MRPS31: variants seen among roughly 807,000 people sequenced by gnomAD.
The protein encoded by MRPS31 is mitochondrial ribosomal protein S31, also known as small ribosomal subunit protein mS31.
A neutral mutation model predicts 43.1 loss-of-function variants in MRPS31; 32 were observed. The ratio of observed to expected loss-of-function variants is 0.74; its 90% CI spans 0.56 to 1.00. The LOEUF (loss-of-function observed/expected upper bound fraction) is 1.00, where lower values mean the gene tolerates loss of function less well. Among genes scored for constraint, MRPS31 ranks in the 50% least tolerant of loss-of-function variants. The pLI, the probability that MRPS31 is intolerant of heterozygous loss-of-function variation, is 0.00. For missense variants in MRPS31, 437 were observed against 466.7 expected, an observed-to-expected ratio of 0.94 and a Z score of 0.59; for synonymous variants, 165 against 161.6, an observed-to-expected ratio of 1.02 and a Z score of -0.16.
intron 6 of MRPS31, among the ~76,000 whole-genome samples, chr13:40,732,928 A>T (rs1029776101): frequency 6.6e-6 from 1 of 151,862 alleles, no homozygotes; most frequent in Admixed American, 6.6e-5. Flanking sequence ...TCACGCCTGT[A>T]ATCTCAACAC....
At chr13:40,738,200 A>C (rs975280083) in intron 6 of MRPS31, among the ~76,000 whole-genome samples, 29 of 151,372 alleles carry the variant, frequency 1.9e-4, no homozygotes, top group Non-Finnish European at 2.5e-4. Flanking sequence ...GAAATGGATA[A>C]ATTCCTTGAC....
At chr13:40,770,917 G>A (rs1880988276) in intron 1 of MRPS31, 68 bp downstream of exon 1, 11 of 1,585,996 alleles carry the variant, frequency 6.9e-6, no homozygotes, top group Non-Finnish European at 9.5e-6. Context: ...GACCCAGCAG[G>A]TGGTAACATC....
In MRPS31 at chr13:40,771,014, G is replaced by C; in HGVS notation, c.123C>G (p.Val41=). 1 of 1,614,172 alleles carries C rather than the reference G, an allele frequency of 6.2e-7. No homozygotes were observed. The highest frequency in any genetic ancestry group is 8.5e-7 in the Non-Finnish European group (1 of 1,180,042). The part of the protein sequence containing the change: ...IMLLTVRHGT[V]RYRSSALLAR... Reference sequence around the variant, plus strand: ...CCAACAGCGCTGAACTGCGGTACCTGACTGTTCCGTGCCGAACAGTGAGTA... The same window carrying C: ...CCAACAGCGCTGAACTGCGGTACCTCACTGTTCCGTGCCGAACAGTGAGTA... The change falls in exon 1 of 7, where the codon GTC becomes GTG. Residue 41 remains valine, a synonymous_variant. Coordinates refer to ENST00000323563, the MANE Select transcript of MRPS31 (RefSeq NM_005830.4).
At chr13:40,767,068 A>G (rs1329161985) in intron 1 of MRPS31, 35 bp from the exon 2 acceptor site, 1 of 1,533,134 alleles carries the variant, frequency 6.5e-7, no homozygotes, top group African/African-American at 1.4e-5. Flanking sequence ...AATGAAAAAT[A>G]CAATGCAGTC....
intron 6 of MRPS31, among the ~76,000 whole-genome samples, chr13:40,747,908 GA>G (rs1245893975): frequency 3.9e-5 from 6 of 152,068 alleles, no homozygotes; most frequent in Non-Finnish European, 1.5e-5. Context: ...CTAAGTCTCT[GA>G]AGTTTTCCTA....
chr13:40,729,365 C>T lies in MRPS31; in HGVS notation c.*7G>A. ...TCTAATTGTTTGAAATAAAAATTTC[C>T]ATGGTCTTAATTGAACTGTATGTTA... is the stretch of plus-strand genomic sequence containing the variant. On this transcript the variant is annotated 3_prime_UTR_variant, in exon 7 of 7. Transcript: ENST00000323563. 1.5e-6 allele frequency: 2 copies of T among 1,355,834 alleles called. No homozygotes were observed. The highest frequency in any genetic ancestry group is 1.0e-6 in the Non-Finnish European group (1 of 983,576). 84.0% of individuals were successfully genotyped at this position (1,355,834 alleles called of 1,614,324 possible).
intron 6 of MRPS31, among the ~76,000 whole-genome samples, chr13:40,747,031 C>G (rs1880256838): frequency 6.6e-6 from 1 of 152,172 alleles, no homozygotes; most frequent in African/African-American, 2.4e-5. Context: ...CACCGACTCT[C>G]CTGAATAAAG....
intron 6 of MRPS31, among the ~76,000 whole-genome samples, chr13:40,745,142 A>T (rs563573858): frequency 1.3e-5 from 2 of 151,058 alleles, no homozygotes; most frequent in East Asian, 3.9e-4. Flanking sequence ...GTCTGGTCTC[A>T]AACTCCTAAC....
chr13:40,737,131 C>A (rs1314558449), intron 6 of MRPS31, among the ~76,000 whole-genome samples: 1 of 150,186 alleles, frequency 6.7e-6, no homozygotes, highest in African/African-American at 2.4e-5. Context: ...GGGTTGCAAT[C>A]CTAGTCTCTG....
chr13:40,757,983 A>G (rs1176716012), intron 3 of MRPS31, among the ~76,000 whole-genome samples: 5 of 151,510 alleles, frequency 3.3e-5, no homozygotes, highest in Non-Finnish European at 5.9e-5. Flanking sequence ...TCTACTAAAA[A>G]TACAAAAAAA....
At chr13:40,758,029 G>C (rs1160914678) in intron 3 of MRPS31, among the ~76,000 whole-genome samples, 2 of 151,668 alleles carry the variant, frequency 1.3e-5, no homozygotes, top group South Asian at 2.1e-4. Flanking sequence ...TGTAGTCCCA[G>C]CTACTCGGGA....
At chr13:40,738,540 T>A (rs1333908929) in intron 6 of MRPS31, among the ~76,000 whole-genome samples, 1 of 151,878 alleles carries the variant, frequency 6.6e-6, no homozygotes, top group Non-Finnish European at 1.5e-5. Flanking sequence ...AAATCCTCAA[T>A]AAAATACTGG....
intron 5 of MRPS31, among the ~76,000 whole-genome samples, chr13:40,750,722 G>T (rs1880362560): frequency 7.3e-6 from 1 of 137,106 alleles, no homozygotes; most frequent in East Asian, 2.1e-4. Context: ...TTCACTGAAT[G>T]CTTGCATTAG....
intron 2 of MRPS31, among the ~76,000 whole-genome samples, chr13:40,766,491 A>C (rs1008984571): frequency 1.3e-5 from 2 of 151,834 alleles, no homozygotes; most frequent in Non-Finnish European, 2.9e-5. Context: ...ACGGGGTTTC[A>C]CCATGTTGGC....
chr13:40,767,060 T>G (rs767953979), intron 1 of MRPS31, 27 bp from the exon 2 acceptor site: 1 of 1,563,584 alleles, frequency 6.4e-7, no homozygotes, highest in South Asian at 1.2e-5. Context: ...AAGAAAAAAA[T>G]GAAAAATACA....
chr13:40,736,828 T>C (rs1879925045), intron 6 of MRPS31, among the ~76,000 whole-genome samples: 1 of 150,018 alleles, frequency 6.7e-6, no homozygotes, highest in Admixed American at 6.7e-5. Flanking sequence ...TGCAAAATCA[T>C]GCCAAAATGT....
chr13:40,764,611 C>T (rs1265887567), intron 2 of MRPS31, among the ~76,000 whole-genome samples: 2 of 152,152 alleles, frequency 1.3e-5, no homozygotes, highest in East Asian at 3.8e-4. Flanking sequence ...TTTCTCTTGG[C>T]TCACTTTCTC....
At position 40,770,840 on chromosome 13, in the gene MRPS31, A is replaced by C. The variant is rs960543709; in HGVS notation, c.152+145T>G. 169 of 1,068,842 alleles carry C rather than the reference A, an allele frequency of 1.6e-4. 1 individual carries two copies. The Middle Eastern group carries it at 1.9e-3, about 12-fold the overall frequency. 66.2% of individuals were successfully genotyped at this position (1,068,842 alleles called of 1,614,324 possible). A position where few individuals can be genotyped will look rare whatever the true frequency, so the allele number is the denominator to read the frequency against. ...TAGCTCTGTTTTCACGCACACTATG[A>C]CCTTGGGCAAGTCATCTTTTCTTTC... On this transcript the variant is annotated intron_variant, in intron 1 of 6. Coordinates refer to ENST00000323563, the MANE Select transcript of MRPS31 (RefSeq NM_005830.4).
At chr13:40,739,487 T>C (rs1489684916) in intron 6 of MRPS31, among the ~76,000 whole-genome samples, 18 of 152,190 alleles carry the variant, frequency 1.2e-4, no homozygotes, top group Middle Eastern at 3.4e-3. Context: ...CCAAGTCAAT[T>C]CTAAGCCAAA....
Sources: allele counts gnomAD v4.1 joint callset (sites outside exome capture counted in the v4.1 genomes callset), GRCh38; gene constraint gnomAD v4.1.1; transcripts MANE v1.5; gene names NCBI Gene and HGNC (gene_info 2026-07-23, HGNC 2026-07-21).